The following HIVEP2 variants were observed in gnomAD, a reference collection of about 807,000 sequenced individuals.
The protein encoded by HIVEP2 is transcription factor HIVEP2.
A neutral mutation model predicts 180.7 loss-of-function variants in HIVEP2; 14 were observed. The ratio of observed to expected loss-of-function variants is 0.08; its 90% CI spans 0.05 to 0.12. The LOEUF (loss-of-function observed/expected upper bound fraction) is 0.12, where lower values mean the gene tolerates loss of function less well. HIVEP2 is among the 10% of genes least tolerant of loss of function. The pLI is 1.00. For missense variants in HIVEP2, 2,579 were observed against 3,008.5 expected (o/e 0.86, Z 3.34); for synonymous variants, 1,184 against 1,136.4 (o/e 1.04, Z -0.84).
chr6:142,849,566 G>A (rs1358533244), intron 1 of HIVEP2, among the ~76,000 whole-genome samples: 1 of 151,640 alleles, frequency 6.6e-6, no homozygotes, highest in Admixed American at 6.6e-5. Flanking sequence ...CCAGGCTGCA[G>A]TGCAGTGGCA....
chr6:142,823,684 G>A (rs554069565), intron 2 of HIVEP2, among the ~76,000 whole-genome samples: 2 of 152,290 alleles, frequency 1.3e-5, no homozygotes, highest in South Asian at 4.1e-4. Flanking sequence ...AATTGCACAT[G>A]GCACTTGAAG....
At chr6:142,815,872 G>A (rs934796362) in intron 2 of HIVEP2, among the ~76,000 whole-genome samples, 2 of 152,128 alleles carry the variant, frequency 1.3e-5, no homozygotes, top group African/African-American at 4.8e-5. Context: ...CCCTTCTTTT[G>A]TGCCATCTGG....
intron 1 of HIVEP2, among the ~76,000 whole-genome samples, chr6:142,904,268 T>G (rs910485007): frequency 9.2e-5 from 14 of 152,186 alleles, no homozygotes; most frequent in African/African-American, 3.1e-4. Context: ...CCCCAAATAT[T>G]ATTTACCCAT....
rs1269273663 is a variant in HIVEP2, at chr6:142,793,656, C to CTTTCTTTCTTTT, written c.-527-10042_-527-10041insAAAAGAAAGAAA. ...TCTTTCTTTCTTTCTTTCTTTCTTT[C>CTTTCTTTCTTTT]TTTTTTCTTTCTTTCTTTCTCTCTC... On this transcript the variant is annotated intron_variant, in intron 2 of 9. Coordinates refer to ENST00000367603, the MANE Select transcript of HIVEP2 (RefSeq NM_006734.4). 2.9e-3 allele frequency among the ~76,000 whole-genome samples: 228 copies of CTTTCTTTCTTTT among 77,336 alleles called. 6 individuals are homozygous for CTTTCTTTCTTTT. In the East Asian group the frequency reaches 0.059, roughly 20 times the overall value. The allele number at this position is 77,336 out of a possible 152,430, so 50.7% of individuals were successfully genotyped here.
At position 142,773,301 on chromosome 6, in the gene HIVEP2, G is replaced by A; in HGVS notation, c.1438C>T (p.Pro480Ser). 6.2e-7 allele frequency: 1 copy of A among 1,614,138 alleles called. No individual in the cohort carries two copies. The highest frequency in any genetic ancestry group is 8.5e-7 in the Non-Finnish European group (1 of 1,180,028). Residue 480 changes from proline (P) to serine (S), a missense_variant, in exon 5 of 10, where the codon CCA (proline) becomes TCA (serine). By Grantham distance (74) the Pro-to-Ser change is moderately conservative. Transcript: ENST00000367603. ...MFEDPVSQLI[P>S]SKGDVDPSQT... ...CTGGGGTCGACATCTCCCTTGCTTG[G>A]GATCAGCTGTGAAACAGGATCTTCA... is the stretch of plus-strand genomic sequence containing the variant.
chr6:142,915,177 T>C (rs1482760528), intron 1 of HIVEP2, among the ~76,000 whole-genome samples: 2 of 152,228 alleles, frequency 1.3e-5, no homozygotes, highest in African/African-American at 2.4e-5. Context: ...CCTCTTGTTA[T>C]GTGTGGAATT....
At chr6:142,885,082 T>G (rs750632101) in intron 1 of HIVEP2, among the ~76,000 whole-genome samples, 23 of 152,174 alleles carry the variant, frequency 1.5e-4, no homozygotes, top group Non-Finnish European at 2.8e-4. Flanking sequence ...ATAGTCCAGT[T>G]GCTCATGGAC....
chr6:142,836,514 A>C (rs1228814436), intron 2 of HIVEP2, among the ~76,000 whole-genome samples: 1 of 152,198 alleles, frequency 6.6e-6, no homozygotes, highest in African/African-American at 2.4e-5. Flanking sequence ...TAAAATGAGA[A>C]TGGTTTAAAA....
chr6:142,872,678 C>T (rs1044934769), intron 1 of HIVEP2, among the ~76,000 whole-genome samples: 1 of 152,128 alleles, frequency 6.6e-6, no homozygotes, highest in African/African-American at 2.4e-5. Context: ...CCAAGACATC[C>T]TGCCAAACCA....
chr6:142,761,445 T>C lies in HIVEP2; in HGVS notation c.5620+19A>G, dbSNP rs774769633. ...GTGCATAATGAAGAGGTCTGTCAAC[T>C]CATTTATGACATACACACCTGCTTC... On this transcript the variant is annotated intron_variant, in intron 8 of 9. Transcript: ENST00000367603. The C allele has an allele frequency of 7.8e-7, 1 of 1,288,698 alleles. No homozygotes were observed. Among genetic ancestry groups the C allele is most frequent in the Admixed American group, 1.7e-5 (1 of 59,570 alleles). 79.8% of individuals were successfully genotyped at this position (1,288,698 alleles called of 1,614,324 possible). A position where few individuals can be genotyped will look rare whatever the true frequency, so the allele number is the denominator to read the frequency against.
intron 1 of HIVEP2, among the ~76,000 whole-genome samples, chr6:142,929,122 T>G (rs1777884297): frequency 1.3e-5 from 2 of 152,236 alleles, no homozygotes; most frequent in South Asian, 4.1e-4. Context: ...TCTTGTGTTT[T>G]TGATTTGAAC....
chr6:142,833,549 T>C (rs1034003443), intron 2 of HIVEP2, among the ~76,000 whole-genome samples: 4 of 152,232 alleles, frequency 2.6e-5, no homozygotes, highest in Non-Finnish European at 4.4e-5. Flanking sequence ...TGGGATTTGC[T>C]CATACTACTG....
chr6:142,787,677 G>C (rs1263390719), intron 2 of HIVEP2, among the ~76,000 whole-genome samples: 2 of 151,704 alleles, frequency 1.3e-5, no homozygotes, highest in Non-Finnish European at 2.9e-5. Context: ...GTACAGGATA[G>C]ACAACACACA....
chr6:142,804,801 T>C (rs1359312561), intron 2 of HIVEP2, among the ~76,000 whole-genome samples: 1 of 151,340 alleles, frequency 6.6e-6, no homozygotes, highest in Non-Finnish European at 1.5e-5. Context: ...TAAGGCAGCC[T>C]AATAATGTGC....
Position 142,773,910 on chromosome 6 carries a change from G to T in HIVEP2, c.829C>A (p.Gln277Lys). The change falls in exon 5 of 10, where the codon CAG becomes AAG. Residue 277 changes from glutamine (Q) to lysine (K), a missense_variant. Physicochemically the swap from Gln to Lys is moderately conservative, Grantham distance 53. Around this residue, in one of 11 missense-constraint regions of HIVEP2, gnomAD observed 142 missense variants for 135.2 expected, o/e 1.05. Coordinates refer to ENST00000367603, the MANE Select transcript of HIVEP2 (RefSeq NM_006734.4). ...CTCTCCTCATCTGTGTCTGTACTCT[G>T]TTCACCATCTGAATGTATTTCTGCT... is the stretch of plus-strand genomic sequence containing the variant. ...VEAEIHSDGEQSTDTDEESSL... is the reference protein window; with the variant it reads ...VEAEIHSDGEKSTDTDEESSL... The T allele has an allele frequency of 6.2e-7, 1 of 1,613,902 alleles. No individual in the cohort carries two copies. The highest frequency in any genetic ancestry group is 1.3e-5 in the African/African-American group (1 of 75,032).
At chr6:142,849,657 G>A (rs1775600332) in intron 1 of HIVEP2, among the ~76,000 whole-genome samples, 1 of 152,014 alleles carries the variant, frequency 6.6e-6, no homozygotes, top group African/African-American at 2.4e-5. Flanking sequence ...TGGGACCACA[G>A]GTGTGTGCTG....
intron 2 of HIVEP2, among the ~76,000 whole-genome samples, chr6:142,821,328 C>T (rs1036940460): frequency 1.3e-5 from 2 of 151,726 alleles, no homozygotes; most frequent in African/African-American, 2.4e-5. Context: ...CGTAGTCTAA[C>T]CCCGAACCAA....
chr6:142,756,321 C>G, intron 9 of HIVEP2, among the ~76,000 whole-genome samples: 1 of 152,216 alleles, frequency 6.6e-6, no homozygotes, highest in East Asian at 1.9e-4. Flanking sequence ...CAGTCACTGG[C>G]TGGGGCTGCA....
At chr6:142,818,719 GAAAAGAAAGAAAGA>G (rs1776923614) in intron 2 of HIVEP2, among the ~76,000 whole-genome samples, 12 of 43,682 alleles carry the variant, frequency 2.7e-4, no homozygotes, top group African/African-American at 1.1e-3. Context: ...AAGAAAGAAA[GAAAAGAAAGAAAGA>G]AAAGAAAGAA....
Sources: gnomAD v4.1 joint callset for allele counts (sites outside exome capture counted in the v4.1 genomes callset) on GRCh38, gnomAD v4.1.1 for gene constraint, gnomAD v4.1.1 regional missense constraint, MANE v1.5 for transcripts, NCBI Gene and HGNC (gene_info 2026-07-23, HGNC 2026-07-21) for gene names.